CELF5: variants seen among roughly 807,000 people sequenced by gnomAD.
The protein encoded by CELF5 is CUG-BP and ETR-3 like factor 5.
In CELF5, 6 loss-of-function variants were observed where a neutral mutation model predicts 54.9. The ratio of observed to expected loss-of-function variants is 0.11; its 90% CI spans 0.06 to 0.22. The LOEUF is 0.22. Ranked by LOEUF, CELF5 falls within the 10% of genes least tolerant of loss-of-function variation. The pLI is 1.00. For synonymous variants in CELF5, 271 were observed against 290.9 expected (o/e 0.93, Z 0.70); for missense variants, 401 against 678.6 (o/e 0.59, Z 4.54).
Position 3,248,961 on chromosome 19 carries a change from G to T in CELF5, c.260-2024G>T, listed in dbSNP as rs955179334. ...CTTTTCTTTTCTTTCTTTTCTTAAT[G>T]CTGGAAACTGTTGTCAGCTCTGCCT... On this transcript the variant is annotated intron_variant, in intron 1 of 12. Transcript: ENST00000292672. Among the ~76,000 whole-genome samples the T allele has an allele frequency of 3.0e-5, 4 of 134,618 alleles. No homozygotes were observed. In the Admixed American group the frequency reaches 3.3e-4, roughly 11 times the overall value. 88.3% of individuals were successfully genotyped at this position (134,618 alleles called of 152,430 possible). A position where few individuals can be genotyped will look rare whatever the true frequency, so the allele number is the denominator to read the frequency against.
chr19:3,248,653 T>A (rs1157329449), intron 1 of CELF5, among the ~76,000 whole-genome samples: 1 of 152,180 alleles, frequency 6.6e-6, no homozygotes, highest in African/African-American at 2.4e-5. Flanking sequence ...TTCCGGCCAC[T>A]GTGAATCTTA....
intron 2 of CELF5, among the ~76,000 whole-genome samples, chr19:3,264,119 C>T (rs767736680): frequency 4.6e-5 from 7 of 151,996 alleles, no homozygotes; most frequent in East Asian, 1.9e-4. Flanking sequence ...TGCTTTTCTT[C>T]GTGGTTTTAC....
rs1423239390 is a variant in CELF5, at chr19:3,282,839, C to T, written c.1039+341C>T. Among the ~76,000 whole-genome samples, 2 of 152,128 alleles carry T rather than the reference C, an allele frequency of 1.3e-5. No homozygotes were observed. The highest frequency in any genetic ancestry group is 3.8e-4 in the East Asian group (2 of 5,200). ...TTGCATTGACAATTTAATCTGTGTGCAAAAGGCTTCACACAGGGTCTCACT... is the reference window on the plus strand; with the variant it reads ...TTGCATTGACAATTTAATCTGTGTGTAAAAGGCTTCACACAGGGTCTCACT... On this transcript the variant is annotated intron_variant, in intron 8 of 12. Coordinates refer to ENST00000292672, the MANE Select transcript of CELF5 (RefSeq NM_021938.4). This position sits in a 1 kb window ranked among gnomAD's most constrained non-coding sequence, Gnocchi z 5.2.
intron 1 of CELF5, chr19:3,225,480 C>CCCCACA: frequency 1.5e-6 from 1 of 670,802 alleles, no homozygotes; most frequent in South Asian, 6.7e-5. Context: ...CCCCCACCCC[C>CCCCACA]ATTCATTCAG....
intron 2 of CELF5, among the ~76,000 whole-genome samples, chr19:3,263,654 C>T (rs1339897303): frequency 6.6e-6 from 1 of 152,128 alleles, no homozygotes; most frequent in African/African-American, 2.4e-5. Context: ...CCTGTAATCC[C>T]CGCACTTTGG....
intron 2 of CELF5, among the ~76,000 whole-genome samples, chr19:3,265,543 G>GT (rs1401873371): frequency 6.6e-6 from 1 of 152,134 alleles, no homozygotes; most frequent in Non-Finnish European, 1.5e-5. Flanking sequence ...GAGTCTCGCT[G>GT]TTTTTTGAGG....
At position 3,228,817 on chromosome 19, in the gene CELF5, C is replaced by A. The variant is rs312062; in HGVS notation, c.259+3819C>A. On this transcript the variant is annotated intron_variant, in intron 1 of 12. Transcript: ENST00000292672. The surrounding 1 kb of genome is among the most constrained non-coding windows in gnomAD (Gnocchi z 6.0). ...GGGGGACCGCGGGAGCAGTTGGCAC[C>A]CCTGGTGGTGGCGGGGACAGCGGCA... Among the ~76,000 whole-genome samples, 5 of 150,874 alleles carry A rather than the reference C, an allele frequency of 3.3e-5. No individual in the cohort carries two copies. The highest frequency in any genetic ancestry group is 1.2e-4 in the African/African-American group (5 of 40,846).
In CELF5 at chr19:3,225,341, C is replaced by T. The variant is rs538619848; in HGVS notation, c.259+343C>T. The stretch of plus-strand genomic sequence containing the variant: ...CTCTCATCCTTCCCCCCACAGCACC[C>T]TCTCTCTCCCTCCCTCCCTCCCTCA... On this transcript the variant is annotated intron_variant, in intron 1 of 12. Coordinates refer to ENST00000292672, the MANE Select transcript of CELF5 (RefSeq NM_021938.4). The T allele has an allele frequency of 1.7e-3, 179 of 103,260 alleles. 1 individual carries two copies. Among genetic ancestry groups the T allele is most frequent in the African/African-American group, 5.5e-3 (129 of 23,382 alleles). The allele number at this position is 103,260 out of a possible 1,614,324, so 6.4% of individuals were successfully genotyped here. A position where few individuals can be genotyped will look rare whatever the true frequency, so the allele number is the denominator to read the frequency against.
intron 2 of CELF5, among the ~76,000 whole-genome samples, chr19:3,266,575 T>C (rs1373153594): frequency 6.6e-6 from 1 of 152,248 alleles, no homozygotes; most frequent in African/African-American, 2.4e-5. Context: ...ACACTTGGGT[T>C]GTTTCACATG....
chr19:3,247,470 C>T (rs2145047090), intron 1 of CELF5, among the ~76,000 whole-genome samples: 1 of 151,806 alleles, frequency 6.6e-6, no homozygotes, highest in Middle Eastern at 3.4e-3. Flanking sequence ...CCATGTTGCC[C>T]AGGCTGGTCT....
intron 1 of CELF5, among the ~76,000 whole-genome samples, chr19:3,247,766 A>AT (rs1046855396): frequency 1.1e-4 from 17 of 151,720 alleles, no homozygotes; most frequent in African/African-American, 2.7e-4. Flanking sequence ...CCGTTAAAAA[A>AT]TTTTTTTTTA....
At chr19:3,248,647 G>A (rs755884850) in intron 1 of CELF5, among the ~76,000 whole-genome samples, 11 of 152,098 alleles carry the variant, frequency 7.2e-5, no homozygotes, top group Admixed American at 6.5e-4. Flanking sequence ...TCCGCCTTCC[G>A]GCCACTGTGA....
At chr19:3,235,686 A>ATGGG (rs1917545925) in intron 1 of CELF5, among the ~76,000 whole-genome samples, 1 of 91,174 alleles carries the variant, frequency 1.1e-5, no homozygotes, top group Non-Finnish European at 2.3e-5. Flanking sequence ...GGATGTGTGG[A>ATGGG]TGGGTGGATG....
At chr19:3,233,148 G>A (rs117131166) in intron 1 of CELF5, among the ~76,000 whole-genome samples, 3,137 of 151,768 alleles carry the variant, frequency 0.021, 54 homozygotes, top group South Asian at 0.032. Flanking sequence ...AAAGCTGCAC[G>A]TGGTGGCATG....
intron 2 of CELF5, among the ~76,000 whole-genome samples, chr19:3,255,523 T>A (rs997099798): frequency 6.6e-6 from 1 of 152,020 alleles, no homozygotes; most frequent in African/African-American, 2.4e-5. Flanking sequence ...TCTCCCTCAG[T>A]CCCTGGGCAT....
intron 5 of CELF5, among the ~76,000 whole-genome samples, chr19:3,279,088 G>T (rs1245789303): frequency 6.6e-6 from 1 of 152,152 alleles, no homozygotes. Context: ...AAGACTAGAG[G>T]CTGGGAGGCC....
intron 1 of CELF5, among the ~76,000 whole-genome samples, chr19:3,235,783 T>C (rs1917567427): frequency 6.9e-6 from 1 of 145,294 alleles, no homozygotes; most frequent in Non-Finnish European, 1.5e-5. Context: ...GATGGATGGA[T>C]GGATGAATGG....
chr19:3,235,509 G>GATGGATGAATGA (rs1568329758), intron 1 of CELF5, among the ~76,000 whole-genome samples: 2 of 586 alleles, frequency 3.4e-3, no homozygotes, highest in South Asian at 0.1. Context: ...TGGGTGGGTG[G>GATGGATGAATGA]ATGGATGGAT....
chr19:3,272,211 C>CAA (rs199500623), intron 2 of CELF5, among the ~76,000 whole-genome samples: 2 of 151,414 alleles, frequency 1.3e-5, no homozygotes, highest in Non-Finnish European at 1.5e-5. Flanking sequence ...ACTAAAAATA[C>CAA]AAAAAAAATT....
Sources: allele counts gnomAD v4.1 joint callset (sites outside exome capture counted in the v4.1 genomes callset), GRCh38; gene constraint gnomAD v4.1.1; non-coding constraint Gnocchi (gnomAD v3.1); transcripts MANE v1.5; gene names NCBI Gene and HGNC (gene_info 2026-07-23, HGNC 2026-07-21).